SUSD3: variants seen among roughly 807,000 people sequenced by gnomAD.
SUSD3 encodes sushi domain-containing protein 3.
SUSD3 carries 18 observed loss-of-function variants against 20.6 expected under a neutral mutation model. The observed-to-expected ratio is 0.87, with a 90% CI of 0.60 to 1.30. SUSD3 has a LOEUF of 1.30. Among genes scored for constraint, SUSD3 ranks in the 50% most tolerant of loss-of-function variants. SUSD3 has a pLI of 0.00. For synonymous variants in SUSD3, 137 were observed against 141.5 expected (o/e 0.97, Z 0.23); for missense variants, 306 against 346.9 (o/e 0.88, Z 0.94).
chr9:93,070,979 T>G (rs1022517328), intron 1 of SUSD3, among the ~76,000 whole-genome samples: 3 of 152,216 alleles, frequency 2.0e-5, no homozygotes, highest in Admixed American at 6.5e-5. Flanking sequence ...GGCACTGGGC[T>G]GAGACGTGTT....
chr9:93,063,612 C>G (rs1825589552), intron 1 of SUSD3, among the ~76,000 whole-genome samples: 1 of 152,158 alleles, frequency 6.6e-6, no homozygotes, highest in Non-Finnish European at 1.5e-5. Context: ...CCTCCCTGTG[C>G]CCCCTTGGCT....
At chr9:93,060,503 T>TG (rs1236354343) in intron 1 of SUSD3, among the ~76,000 whole-genome samples, 1 of 152,048 alleles carries the variant, frequency 6.6e-6, no homozygotes, top group African/African-American at 2.4e-5. Flanking sequence ...AGTTAGAGGC[T>TG]GGGGGGTTGG....
Position 93,076,124 on chromosome 9 carries a change from C to T in SUSD3, c.277+152C>T. ...TCCCATTCCCAACACTGACAGCTTGCTTACATGTCAGCAGCCGGCTGTAGG... is the reference window on the plus strand; with the variant it reads ...TCCCATTCCCAACACTGACAGCTTGTTTACATGTCAGCAGCCGGCTGTAGG... On this transcript the variant is annotated intron_variant, in intron 2 of 4. Coordinates refer to ENST00000375472, the MANE Select transcript of SUSD3 (RefSeq NM_145006.4). 4.4e-6 allele frequency: 3 copies of T among 674,964 alleles called. No homozygotes were observed. The South Asian group carries it at 5.9e-5, about 13-fold the overall frequency. 41.8% of individuals were successfully genotyped at this position (674,964 alleles called of 1,614,324 possible). A position where few individuals can be genotyped will look rare whatever the true frequency, so the allele number is the denominator to read the frequency against.
In SUSD3 at chr9:93,081,306, G is replaced by A. The variant is rs186021560; in HGVS notation, c.557+1704G>A. On this transcript the variant is annotated intron_variant, in intron 4 of 4. Coordinates refer to ENST00000375472, the MANE Select transcript of SUSD3 (RefSeq NM_145006.4). ...CCGGGGTCTGGGCGGGCATCCAGAC[G>A]ACATCATTGAGCTTGTGTTCCCTTC... Among the ~76,000 whole-genome samples the A allele has an allele frequency of 2.6e-4, 40 of 152,300 alleles. No homozygotes were observed. In the East Asian group the frequency reaches 4.6e-3, roughly 18 times the overall value.
intron 1 of SUSD3, chr9:93,068,975 C>A: frequency 1.8e-6 from 1 of 556,018 alleles, no homozygotes; most frequent in South Asian, 2.5e-5. Flanking sequence ...CCAATTATAA[C>A]AATATATTAT....
chr9:93,059,060 G>A (rs960123219), intron 1 of SUSD3, among the ~76,000 whole-genome samples: 2 of 152,172 alleles, frequency 1.3e-5, no homozygotes, highest in Non-Finnish European at 2.9e-5. Flanking sequence ...AGCAGCCCGC[G>A]CGCCCGTTCC....
Position 93,058,712 on chromosome 9 carries a change from A to C in SUSD3, c.-31A>C, listed in dbSNP as rs1460312976. ...CACAAGCCGGGCTCACTCCCCTGGC[A>C]GACCCCGCCAAGCGCCTCGGAGCGC... On this transcript the variant is annotated 5_prime_UTR_variant, in exon 1 of 5. Transcript: ENST00000375472. The C allele has an allele frequency of 2.5e-6, 3 of 1,214,990 alleles. No homozygotes were observed. Among genetic ancestry groups the C allele is most frequent in the Non-Finnish European group, 2.1e-6 (2 of 972,368 alleles). 75.3% of individuals were successfully genotyped at this position (1,214,990 alleles called of 1,614,324 possible). A position where few individuals can be genotyped will look rare whatever the true frequency, so the allele number is the denominator to read the frequency against.
At chr9:93,082,547 C>G (rs972874499) in intron 4 of SUSD3, among the ~76,000 whole-genome samples, 24 of 152,056 alleles carry the variant, frequency 1.6e-4, no homozygotes, top group South Asian at 2.1e-4. Context: ...TCGATCTCCT[C>G]ACCTCGTGAT....
At chr9:93,067,011 C>A (rs530731682) in intron 1 of SUSD3, among the ~76,000 whole-genome samples, 1 of 152,284 alleles carries the variant, frequency 6.6e-6, no homozygotes, top group African/African-American at 2.4e-5. Flanking sequence ...CCCAGCCACT[C>A]CAGTCAATTT....
intron 1 of SUSD3, 51 bp from the exon 2 acceptor site, chr9:93,075,733 C>CGG: frequency 2.5e-6 from 1 of 392,364 alleles, no homozygotes; most frequent in Admixed American, 3.8e-5. Flanking sequence ...CCCTGCCCTG[C>CGG]GTGCCCACCC....
chr9:93,058,851 G>A, intron 1 of SUSD3, 21 bp downstream of exon 1: 1 of 1,244,032 alleles, frequency 8.0e-7, no homozygotes, highest in Non-Finnish European at 1.0e-6. Context: ...GGGCCGAGTG[G>A]CCGCGTGCGG....
rs556164382 is a variant in SUSD3, at chr9:93,069,892, G to T, written c.89-5892G>T. Among the ~76,000 whole-genome samples the T allele has an allele frequency of 1.5e-4, 23 of 151,802 alleles. No homozygotes were observed. In the South Asian group the frequency reaches 1.7e-3, roughly 11 times the overall value. On this transcript the variant is annotated intron_variant, in intron 1 of 4. Coordinates refer to ENST00000375472, the MANE Select transcript of SUSD3 (RefSeq NM_145006.4). ...CTTCCTGGGATCAGGCGATTCTCCT[G>T]CCTCAGCCTCCCAAGTAGCTGGGAT...
Position 93,084,757 on chromosome 9 carries a change from G to A in SUSD3, c.*10G>A. 6.8e-7 allele frequency: 1 copy of A among 1,481,028 alleles called. No homozygotes were observed. The highest frequency in any genetic ancestry group is 9.0e-7 in the Non-Finnish European group (1 of 1,115,012). The allele number at this position is 1,481,028 out of a possible 1,614,324, so 91.7% of individuals were successfully genotyped here. ...ATATGCCCTAGGGTGACCACGCAGTGAGGCTGGTGCCCATGCTCCACACTG... is the reference window on the plus strand; with the variant it reads ...ATATGCCCTAGGGTGACCACGCAGTAAGGCTGGTGCCCATGCTCCACACTG... On this transcript the variant is annotated 3_prime_UTR_variant, in exon 5 of 5. Coordinates refer to ENST00000375472, the MANE Select transcript of SUSD3 (RefSeq NM_145006.4).
chr9:93,077,765 C>T, intron 2 of SUSD3, 81 bp from the exon 3 acceptor site: 1 of 1,533,214 alleles, frequency 6.5e-7, no homozygotes, highest in Non-Finnish European at 8.9e-7. Flanking sequence ...CCTACCCGTA[C>T]CACCCCTGAG....
At chr9:93,077,691 A>C (rs1442543509) in intron 2 of SUSD3, among the ~76,000 whole-genome samples, 155 bp from the exon 3 acceptor site, 1 of 151,806 alleles carries the variant, frequency 6.6e-6, no homozygotes, top group Non-Finnish European at 1.5e-5. Flanking sequence ...CCAGCACCTC[A>C]CTGCCCCCTT....
chr9:93,060,364 A>G (rs530311799), intron 1 of SUSD3, among the ~76,000 whole-genome samples: 11 of 152,096 alleles, frequency 7.2e-5, no homozygotes, highest in African/African-American at 2.7e-4. Flanking sequence ...CCTGCCCCCA[A>G]GCTTGTGGAC....
rs56134136 is a variant in SUSD3 at position 93,080,318 on chromosome 9, C to CAAAAAA, written c.557+733_557+738dup. Among the ~76,000 whole-genome samples the CAAAAAA allele has an allele frequency of 2.2e-3, 124 of 56,120 alleles. 1 individual carries two copies. The highest frequency in any genetic ancestry group is 3.4e-3 in the Non-Finnish European group (90 of 26,164). The allele number at this position is 56,120 out of a possible 152,430, so 36.8% of individuals were successfully genotyped here. ...TGGGCGACAGAGCGAGACTCCGTCT[C>CAAAAAA]AAAAAAAAAAAAAAAAAAAAAACAA... On this transcript the variant is annotated intron_variant, in intron 4 of 4. Coordinates refer to ENST00000375472, the MANE Select transcript of SUSD3 (RefSeq NM_145006.4).
chr9:93,084,529 C>G lies in SUSD3; in HGVS notation c.558-8C>G, dbSNP rs1213263707. ...TCTTTTGCCAACTCATGCCTCCTCT[C>G]TCCACAGAGACCATGGTGAGAGCAC... On this transcript the variant is annotated splice_region_variant and splice_polypyrimidine_tract_variant and intron_variant, in intron 4 of 4. Transcript: ENST00000375472. The G allele has an allele frequency of 8.9e-6, 14 of 1,575,628 alleles. No homozygotes were observed. The highest frequency in any genetic ancestry group is 1.1e-5 in the Non-Finnish European group (13 of 1,160,500).
Position 93,079,504 on chromosome 9 carries a change from G to T in SUSD3, c.459G>T (p.Glu153Asp), listed in dbSNP as rs774773520. The part of the protein sequence containing the change: ...SAQLWSQLKD[E>D]DLETVQAAYL... Reference sequence around the variant, plus strand: ...AGCTGTGGTCCCAGCTGAAAGATGAGGACTTGGAGACGGTGCAGGCCGCAT... The same window carrying T: ...AGCTGTGGTCCCAGCTGAAAGATGATGACTTGGAGACGGTGCAGGCCGCAT... Residue 153 changes from glutamate (E) to aspartate (D), a missense_variant, in exon 4 of 5, where the codon GAG (glutamate) becomes GAT (aspartate). Transcript: ENST00000375472. 4.3e-6 allele frequency: 7 copies of T among 1,614,082 alleles called. No homozygotes were observed. In the South Asian group the frequency reaches 7.7e-5, roughly 18 times the overall value.
Sources: gnomAD v4.1 joint callset for allele counts (sites outside exome capture counted in the v4.1 genomes callset) on GRCh38, gnomAD v4.1.1 for gene constraint, MANE v1.5 for transcripts, NCBI Gene and HGNC (gene_info 2026-07-23, HGNC 2026-07-21) for gene names.